Variants in CLCN1 observed in about 807,000 individuals in gnomAD.
The protein encoded by CLCN1 is chloride channel protein 1.
Under a neutral mutation model 114.5 loss-of-function variants are expected in CLCN1, and 100 were observed. That is an observed-to-expected ratio of 0.87 (90% CI 0.74 to 1.03). CLCN1 has a LOEUF of 1.03. Among genes scored for constraint, CLCN1 ranks in the 50% least tolerant of loss-of-function variants. The probability of loss-of-function intolerance (pLI) is 0.00; values close to 1 mark genes in which losing one functional copy is unlikely to be tolerated. For synonymous variants in CLCN1, 485 were observed against 487.1 expected (o/e 1.00, Z 0.06); for missense variants, 1,188 against 1,250.0 (o/e 0.95, Z 0.75).
rs573516521 is a variant in CLCN1 at position 143,336,604 on chromosome 7, CAAAAAAAAAA to C, written c.1402-2637_1402-2628del. Among the ~76,000 whole-genome samples the C allele has an allele frequency of 1.6e-4, 13 of 80,432 alleles. No homozygotes were observed. The East Asian group carries it at 2.2e-3, about 14-fold the overall frequency. 52.8% of individuals were successfully genotyped at this position (80,432 alleles called of 152,430 possible). A position where few individuals can be genotyped will look rare whatever the true frequency, so the allele number is the denominator to read the frequency against. ...CCTGGGTGACAGAACAAGACTCTGT[CAAAAAAAAAA>C]AAAAAAAAAAAGAAGAAGAAGAAAA... On this transcript the variant is annotated intron_variant, in intron 12 of 22. Coordinates refer to ENST00000343257, the MANE Select transcript of CLCN1 (RefSeq NM_000083.3).
At chr7:143,325,436 T>C (rs1802551228) in intron 7 of CLCN1, among the ~76,000 whole-genome samples, 1 of 152,272 alleles carries the variant, frequency 6.6e-6, no homozygotes, top group African/African-American at 2.4e-5. Flanking sequence ...ATCTAACTTA[T>C]GCAAACACTG....
At chr7:143,346,498 C>T in intron 18 of CLCN1, 81 bp from the exon 19 acceptor site, 1 of 1,044,250 alleles carries the variant, frequency 9.6e-7, no homozygotes, top group Non-Finnish European at 1.5e-6. Flanking sequence ...TCTTTGGAGG[C>T]AAATGTTAGG....
chr7:143,341,338 C>T (rs1310656795), intron 14 of CLCN1, among the ~76,000 whole-genome samples: 1 of 152,052 alleles, frequency 6.6e-6, no homozygotes, highest in Non-Finnish European at 1.5e-5. Flanking sequence ...GCAGGCAGAT[C>T]ACTTGAGGCC....
intron 16 of CLCN1, among the ~76,000 whole-genome samples, chr7:143,343,406 A>G (rs1563085633): frequency 6.6e-6 from 1 of 152,246 alleles, no homozygotes; most frequent in Non-Finnish European, 1.5e-5. Context: ...AAGCTGAAAC[A>G]AGAAGGTACA....
At chr7:143,330,965 ACT>A in intron 8 of CLCN1, 68 bp downstream of exon 8, 1 of 1,608,328 alleles carries the variant, frequency 6.2e-7, no homozygotes, top group African/African-American at 1.3e-5. Flanking sequence ...GCAGAGGAAA[ACT>A]CTGTGGGGCA....
intron 7 of CLCN1, among the ~76,000 whole-genome samples, chr7:143,328,960 T>G (rs568809691): frequency 1.9e-5 from 2 of 104,876 alleles, no homozygotes; most frequent in East Asian, 5.8e-4. Flanking sequence ...TCAAGGAATT[T>G]TCTTTCTTTC....
intron 2 of CLCN1, 59 bp from the exon 3 acceptor site, chr7:143,320,605 T>G: frequency 1.5e-6 from 2 of 1,344,226 alleles, no homozygotes; most frequent in African/African-American, 1.4e-5. Context: ...ATATATATAT[T>G]TTTGTTTGTT....
intron 14 of CLCN1, among the ~76,000 whole-genome samples, chr7:143,340,855 A>T (rs1456638425): frequency 6.6e-6 from 1 of 152,104 alleles, no homozygotes; most frequent in East Asian, 1.9e-4. Context: ...TTACATTTTC[A>T]TATGTGCCTT....
Position 143,317,623 on chromosome 7 carries a change from A to G in CLCN1, c.180+1231A>G, listed in dbSNP as rs574378235. On this transcript the variant is annotated intron_variant, in intron 1 of 22. Transcript: ENST00000343257. The stretch of plus-strand genomic sequence containing the variant: ...GGGAGCCTTCAGTTCCTTTAGGTTT[A>G]AGGCTGGGAAGCTGAGGCATGAGCT... Among the ~76,000 whole-genome samples, 4 of 149,978 alleles carry G rather than the reference A, an allele frequency of 2.7e-5. No individual in the cohort carries two copies. In the South Asian group the frequency reaches 8.4e-4, roughly 32 times the overall value.
intron 12 of CLCN1, among the ~76,000 whole-genome samples, chr7:143,338,470 T>C (rs1411883644): frequency 6.6e-6 from 1 of 152,054 alleles, no homozygotes; most frequent in Non-Finnish European, 1.5e-5. Context: ...TCACTCAGAC[T>C]TTAAATGTCT....
At chr7:143,342,196 C>A in intron 15 of CLCN1, 54 bp downstream of exon 15, 1 of 1,565,282 alleles carries the variant, frequency 6.4e-7, no homozygotes, top group Non-Finnish European at 8.8e-7. Flanking sequence ...GTGGGAGGTT[C>A]TGAGGCTGAG....
At chr7:143,323,064 C>T (rs1802483285) in intron 5 of CLCN1, among the ~76,000 whole-genome samples, 1 of 152,188 alleles carries the variant, frequency 6.6e-6, no homozygotes, top group African/African-American at 2.4e-5. Context: ...GCTCCTCAGG[C>T]CCTTTCCTCT....
chr7:143,327,257 A>AAGAAAGAAAAAG (rs67498292), intron 7 of CLCN1, among the ~76,000 whole-genome samples: 127,604 of 149,732 alleles, frequency 0.85, 55,202 homozygotes, highest in Admixed American at 0.93. Flanking sequence ...TAAAAAAAAA[A>AAGAAAGAAAAAG]AAAAAGAAAA....
intron 7 of CLCN1, among the ~76,000 whole-genome samples, chr7:143,325,295 C>G (rs1215173430): frequency 6.6e-6 from 1 of 152,198 alleles, no homozygotes; most frequent in Non-Finnish European, 1.5e-5. Context: ...TCTTAAATGA[C>G]CCACTGTTAG....
At position 143,320,793 on chromosome 7, in the gene CLCN1, A is replaced by G. The variant is rs754142595; in HGVS notation, c.431A>G (p.Gln144Arg). Residue 144 changes from glutamine (Q) to arginine (R), a missense_variant and splice_region_variant, in exon 3 of 23, where the codon CAG (glutamine) becomes CGG (arginine). Transcript: ENST00000343257. ...GACTACGTCAGTGCCAAAAGCCTTC[A>G]GGGTAGGTTTAACCTGGACCTTTGC... ...SMDYVSAKSL[Q>R]AYKWSYAQMQ... is the part of the protein sequence containing the mutation. The G allele has an allele frequency of 4.3e-6, 7 of 1,613,922 alleles. No homozygotes were observed. The highest frequency in any genetic ancestry group is 5.9e-6 in the Non-Finnish European group (7 of 1,179,980).
At chr7:143,326,108 C>T (rs1333578770) in intron 7 of CLCN1, among the ~76,000 whole-genome samples, 3 of 152,032 alleles carry the variant, frequency 2.0e-5, no homozygotes, top group Non-Finnish European at 4.4e-5. Context: ...CCTCTGTCTC[C>T]TGGGTTCAAG....
At chr7:143,320,553 T>TTCCCTCTC in intron 2 of CLCN1, 111 bp from the exon 3 acceptor site, 1 of 672,512 alleles carries the variant, frequency 1.5e-6, no homozygotes, top group Non-Finnish European at 2.4e-6. Context: ...TTAGCTGCTT[T>TTCCCTCTC]TCTCTCTCTC....
At chr7:143,328,064 T>C (rs1255111322) in intron 7 of CLCN1, among the ~76,000 whole-genome samples, 1 of 152,080 alleles carries the variant, frequency 6.6e-6, no homozygotes, top group African/African-American at 2.4e-5. Context: ...CAAGACTGGG[T>C]ATATGGGAAG....
chr7:143,323,597 A>C, intron 6 of CLCN1: 1 of 684,648 alleles, frequency 1.5e-6, no homozygotes, highest in Non-Finnish European at 2.7e-6. Flanking sequence ...CCAAATGTCC[A>C]CCCCTCTTTC....
Sources: gnomAD v4.1 joint callset for allele counts (sites outside exome capture counted in the v4.1 genomes callset) on GRCh38, gnomAD v4.1.1 for gene constraint, MANE v1.5 for transcripts, NCBI Gene and HGNC (gene_info 2026-07-23, HGNC 2026-07-21) for gene names.